CNTNAP3B: variants seen among roughly 807,000 people sequenced by gnomAD.
CNTNAP3B encodes contactin-associated protein-like 3B.
CNTNAP3B carries 25 observed loss-of-function variants against 108.9 expected under a neutral mutation model. The observed-to-expected ratio is 0.23, with a 90% CI of 0.17 to 0.32. The LOEUF (loss-of-function observed/expected upper bound fraction) is 0.32. Ranked by LOEUF, CNTNAP3B falls within the 10% of genes least tolerant of loss-of-function variation. CNTNAP3B has a pLI of 1.00. For synonymous variants in CNTNAP3B, 103 were observed against 473.4 expected, an observed-to-expected ratio of 0.22 and a Z score of 10.16; for missense variants, 252 against 1,210.4, an observed-to-expected ratio of 0.21 and a Z score of 11.75.
rs1281053297 is a variant in CNTNAP3B, at chr9:42,026,548, CG to C, written c.391-13024del. On this transcript the variant is annotated intron_variant, in intron 3 of 23. Coordinates refer to ENST00000377561, the MANE Select transcript of CNTNAP3B (RefSeq NM_001201380.3). ...CTTGCAGCGAGCCCAGATGGCTCCA[CG>C]GCACGGCACTCCAGCCCGGGCGACA... is the stretch of plus-strand genomic sequence containing the variant. Among the ~76,000 whole-genome samples, 25 of 91,224 alleles carry C rather than the reference CG, an allele frequency of 2.7e-4. 1 individual carries two copies. Among genetic ancestry groups the C allele is most frequent in the Non-Finnish European group, 3.7e-4 (16 of 43,632 alleles). The allele number at this position is 91,224 out of a possible 152,430, so 59.8% of individuals were successfully genotyped here.
At chr9:41,925,795 T>A (rs1823801974) in intron 15 of CNTNAP3B, among the ~76,000 whole-genome samples, 1 of 125,834 alleles carries the variant, frequency 7.9e-6, no homozygotes, top group African/African-American at 2.6e-5. Context: ...CTTTTTCAGC[T>A]TTTTTTTTCC....
At chr9:41,982,079 A>T (rs1825640136) in intron 9 of CNTNAP3B, among the ~76,000 whole-genome samples, 1 of 119,384 alleles carries the variant, frequency 8.4e-6, no homozygotes, top group South Asian at 2.8e-4. Flanking sequence ...AAAAAAAAAA[A>T]AAAAGTAAAG....
chr9:41,933,079 G>A (rs1824030768), intron 14 of CNTNAP3B, among the ~76,000 whole-genome samples: 1 of 152,372 alleles, frequency 6.6e-6, no homozygotes, highest in African/African-American at 2.4e-5. Flanking sequence ...TTTAAAACCA[G>A]GTTGCTGCAA....
At chr9:42,107,096 T>G (rs1338865543) in intron 1 of CNTNAP3B, among the ~76,000 whole-genome samples, 1 of 89,376 alleles carries the variant, frequency 1.1e-5, no homozygotes, top group African/African-American at 4.3e-5. Context: ...CACTGGGCAT[T>G]TCACGTGTCC....
At position 41,993,564 on chromosome 9, in the gene CNTNAP3B, C is replaced by T. The variant is rs961455438; in HGVS notation, c.1072-1693G>A. 3.4e-4 allele frequency: 36 copies of T among 106,928 alleles called. 5 individuals carry two copies. Among genetic ancestry groups the T allele is most frequent in the African/African-American group, 1.2e-3 (33 of 26,962 alleles). The allele number at this position is 106,928 out of a possible 1,614,324, so 6.6% of individuals were successfully genotyped here. On this transcript the variant is annotated intron_variant, in intron 7 of 23. Transcript: ENST00000377561. ...AGCTTACAACTAATTGGCGCTGATCCGTAGTACACATGTAATCACTGGACT... is the reference window on the plus strand; with the variant it reads ...AGCTTACAACTAATTGGCGCTGATCTGTAGTACACATGTAATCACTGGACT...
chr9:41,915,748 T>C (rs1418431984), intron 18 of CNTNAP3B, among the ~76,000 whole-genome samples: 2 of 148,104 alleles, frequency 1.4e-5, no homozygotes, highest in African/African-American at 5.0e-5. Flanking sequence ...AATCATGTTT[T>C]TTTTTCCCCT....
chr9:42,094,156 G>A lies in CNTNAP3B; in HGVS notation c.196+10473C>T, dbSNP rs1476393462. Among the ~76,000 whole-genome samples, 2 of 138,852 alleles carry A rather than the reference G, an allele frequency of 1.4e-5. 1 individual carries two copies. Among genetic ancestry groups the A allele is most frequent in the Non-Finnish European group, 3.1e-5 (2 of 64,922 alleles). 91.1% of individuals were successfully genotyped at this position (138,852 alleles called of 152,430 possible). On this transcript the variant is annotated intron_variant, in intron 2 of 23. Coordinates refer to ENST00000377561, the MANE Select transcript of CNTNAP3B (RefSeq NM_001201380.3). ...TAGAATTGCACAAAGCGTAAGAAAA[G>A]CATACAAACACCTAGTAAGCACACT...
chr9:41,978,914 C>A (rs1211529950), intron 9 of CNTNAP3B, among the ~76,000 whole-genome samples: 1 of 147,044 alleles, frequency 6.8e-6, no homozygotes, highest in African/African-American at 2.6e-5. Context: ...ACATAGTATA[C>A]CTTAAATATA....
intron 3 of CNTNAP3B, among the ~76,000 whole-genome samples, chr9:42,044,395 A>T (rs547447234): frequency 8.8e-4 from 132 of 149,690 alleles, no homozygotes; most frequent in Non-Finnish European, 1.4e-3. Flanking sequence ...CATTTCTCAC[A>T]TCTGAGTTGT....
At position 42,124,481 on chromosome 9, in the gene CNTNAP3B, T is replaced by A. The variant is rs568235111; in HGVS notation, c.85+4529A>T. ...AATACATTTAAAACAAACAATTCCA[T>A]GCCTTATATGTCAAGTGGAAAAGGA... On this transcript the variant is annotated intron_variant, in intron 1 of 23. Coordinates refer to ENST00000377561, the MANE Select transcript of CNTNAP3B (RefSeq NM_001201380.3). 3.6e-4 allele frequency among the ~76,000 whole-genome samples: 49 copies of A among 136,822 alleles called. 7 individuals carry two copies. In the South Asian group the frequency reaches 0.012, roughly 33 times the overall value. The allele number at this position is 136,822 out of a possible 152,430, so 89.8% of individuals were successfully genotyped here.
rs1376887059 is a variant in CNTNAP3B, at chr9:41,921,214, T to C, written c.2756-905A>G. Among the ~76,000 whole-genome samples, 24 of 152,412 alleles carry C rather than the reference T, an allele frequency of 1.6e-4. No homozygotes were observed. In the South Asian group the frequency reaches 5.0e-3, roughly 32 times the overall value. Reference sequence around the variant, plus strand: ...GATTCTAGGTGAATTTTATGCTAATTGTGTTTCTAGGCATTCCCTTAAATA... The same window carrying C: ...GATTCTAGGTGAATTTTATGCTAATCGTGTTTCTAGGCATTCCCTTAAATA... On this transcript the variant is annotated intron_variant, in intron 17 of 23. Transcript: ENST00000377561.
At chr9:41,979,885 G>GAGAT (rs1419892929) in intron 9 of CNTNAP3B, 2 of 111,694 alleles carry the variant, frequency 1.8e-5, no homozygotes, top group Non-Finnish European at 3.4e-5. Context: ...CACCACCTAA[G>GAGAT]ATATATATAT....
chr9:41,968,956 C>A (rs1427209165), intron 10 of CNTNAP3B, among the ~76,000 whole-genome samples: 1 of 152,260 alleles, frequency 6.6e-6, no homozygotes, highest in East Asian at 1.9e-4. Context: ...GCCACCATGC[C>A]TGGCTAATTT....
intron 1 of CNTNAP3B, among the ~76,000 whole-genome samples, chr9:42,121,947 A>G (rs1406061957): frequency 7.1e-6 from 1 of 140,194 alleles, no homozygotes; most frequent in Non-Finnish European, 1.5e-5. Flanking sequence ...CATAGCAAAC[A>G]GTATGAGCAT....
At chr9:42,070,483 G>A (rs535373645) in intron 3 of CNTNAP3B, among the ~76,000 whole-genome samples, 11 of 145,034 alleles carry the variant, frequency 7.6e-5, no homozygotes. Flanking sequence ...CTGCAGACCT[G>A]CTCTTCCTCT....
At chr9:42,060,918 TTA>T (rs1172229922) in intron 3 of CNTNAP3B, among the ~76,000 whole-genome samples, 2 of 85,990 alleles carry the variant, frequency 2.3e-5, no homozygotes, top group African/African-American at 1.0e-4. Context: ...TCTATTTTGT[TTA>T]TATGTTATAT....
At chr9:42,090,252 CTAAG>C (rs1214412605) in intron 2 of CNTNAP3B, among the ~76,000 whole-genome samples, 2 of 86,578 alleles carry the variant, frequency 2.3e-5, no homozygotes, top group Non-Finnish European at 4.4e-5. Context: ...GCATGAGTTA[CTAAG>C]TGTTTTATTT....
intron 9 of CNTNAP3B, chr9:41,979,899 T>C (rs1413585260): frequency 3.7e-5 from 5 of 135,428 alleles, no homozygotes; most frequent in Non-Finnish European, 4.5e-5. Context: ...TATATATATA[T>C]ATGTAATCTT....
At chr9:42,035,820 G>A (rs1186293642) in intron 3 of CNTNAP3B, among the ~76,000 whole-genome samples, 1 of 148,250 alleles carries the variant, frequency 6.7e-6, no homozygotes, top group Non-Finnish European at 1.5e-5. Context: ...ACTATGCCCA[G>A]CTAATTTTAA....
Sources: allele counts gnomAD v4.1 joint callset (sites outside exome capture counted in the v4.1 genomes callset), GRCh38; gene constraint gnomAD v4.1.1; transcripts MANE v1.5; gene names NCBI Gene and HGNC (gene_info 2026-07-23, HGNC 2026-07-21).